EPHA5: variants seen among roughly 807,000 people sequenced by gnomAD.
EPHA5 encodes EPH receptor A5.
In EPHA5, 60 loss-of-function variants were observed where a neutral mutation model predicts 105.0. The ratio of observed to expected loss-of-function variants is 0.57; its 90% CI spans 0.46 to 0.71. The LOEUF is 0.71. EPHA5 is among the 30% of genes least tolerant of loss of function. The probability of loss-of-function intolerance (pLI) is 0.00; values close to 1 mark genes in which losing one functional copy is unlikely to be tolerated. For missense variants in EPHA5, 1,218 were observed against 1,274.7 expected (o/e 0.96, Z 0.68); for synonymous variants, 513 against 449.1 (o/e 1.14, Z -1.80).
At chr4:65,627,730 T>C (rs770108117) in intron 2 of EPHA5, among the ~76,000 whole-genome samples, 23 of 152,134 alleles carry the variant, frequency 1.5e-4, no homozygotes, top group Non-Finnish European at 2.6e-4. Flanking sequence ...ATTCTCAAAC[T>C]TCACCAAACC....
chr4:65,579,478 G>A (rs902631031), intron 3 of EPHA5, among the ~76,000 whole-genome samples: 34 of 150,714 alleles, frequency 2.3e-4, no homozygotes, highest in African/African-American at 7.8e-4. Context: ...CCTGAATATG[G>A]CAAAATGTGA....
At chr4:65,391,140 A>T (rs1720677080) in intron 8 of EPHA5, among the ~76,000 whole-genome samples, 1 of 152,072 alleles carries the variant, frequency 6.6e-6, no homozygotes, top group South Asian at 2.1e-4. Context: ...AACATAGGGG[A>T]AACTGCCCCC....
intron 11 of EPHA5, among the ~76,000 whole-genome samples, chr4:65,357,777 C>T (rs140303585): frequency 8.6e-5 from 13 of 151,082 alleles, no homozygotes; most frequent in Admixed American, 2.7e-4. Context: ...GGTAATAATA[C>T]TGTATTGTAC....
chr4:65,412,579 A>C (rs1578055074), intron 7 of EPHA5, among the ~76,000 whole-genome samples: 1 of 152,174 alleles, frequency 6.6e-6, no homozygotes, highest in East Asian at 1.9e-4. Context: ...AGGCAGTATG[A>C]TATTGAAGTA....
intron 2 of EPHA5, among the ~76,000 whole-genome samples, chr4:65,628,977 T>C (rs1476650946): frequency 2.0e-5 from 3 of 152,196 alleles, no homozygotes; most frequent in African/African-American, 7.2e-5. Context: ...TCATAAAGTA[T>C]ATGCACACCA....
chr4:65,509,873 C>T (rs1733429284), intron 3 of EPHA5, among the ~76,000 whole-genome samples: 3 of 152,152 alleles, frequency 2.0e-5, no homozygotes, highest in South Asian at 4.1e-4. Flanking sequence ...AAGTACAATG[C>T]TAGACAATAT....
chr4:65,588,578 T>G (rs2149410316), intron 3 of EPHA5, among the ~76,000 whole-genome samples: 1 of 152,280 alleles, frequency 6.6e-6, no homozygotes, highest in East Asian at 1.9e-4. Flanking sequence ...TTTCACCCAA[T>G]TCTATGCTTC....
At chr4:65,332,886 G>A (rs376152241) in intron 15 of EPHA5, among the ~76,000 whole-genome samples, 3 of 151,966 alleles carry the variant, frequency 2.0e-5, no homozygotes, top group East Asian at 1.9e-4. Context: ...GCTCATTTAA[G>A]TAAATTTATC....
intron 1 of EPHA5, among the ~76,000 whole-genome samples, chr4:65,650,701 G>A (rs943474973): frequency 6.6e-6 from 1 of 151,990 alleles, no homozygotes; most frequent in Non-Finnish European, 1.5e-5. Context: ...TAAATCACCT[G>A]CTCTGTTTCA....
chr4:65,409,351 A>G (rs139531199), intron 7 of EPHA5, among the ~76,000 whole-genome samples: 5,334 of 148,084 alleles, frequency 0.036, 333 homozygotes, highest in African/African-American at 0.12. Context: ...AATAAAAAAT[A>G]AATAAATAAA....
intron 2 of EPHA5, among the ~76,000 whole-genome samples, chr4:65,639,070 A>G (rs936449685): frequency 2.6e-5 from 4 of 152,254 alleles, no homozygotes; most frequent in South Asian, 2.1e-4. Context: ...AATACCATAA[A>G]CAAACTCTTG....
intron 2 of EPHA5, among the ~76,000 whole-genome samples, chr4:65,609,243 C>T (rs58412814): frequency 6.6e-6 from 1 of 152,118 alleles, no homozygotes; most frequent in South Asian, 2.1e-4. Context: ...CAGCTTTCAG[C>T]AAAAATCATT....
At chr4:65,590,012 A>G (rs1427670721) in intron 3 of EPHA5, among the ~76,000 whole-genome samples, 1 of 152,212 alleles carries the variant, frequency 6.6e-6, no homozygotes, top group Non-Finnish European at 1.5e-5. Flanking sequence ...ATGCATATGG[A>G]GTAGTGTATT....
rs1718070486 is a variant in EPHA5, at chr4:65,367,848, G to T, written c.1794-424C>A. Among the ~76,000 whole-genome samples the T allele has an allele frequency of 2.0e-5, 3 of 151,654 alleles. 1 individual carries two copies. Among genetic ancestry groups the T allele is most frequent in the Admixed American group, 2.0e-4 (3 of 15,186 alleles). On this transcript the variant is annotated intron_variant, in intron 8 of 16. Coordinates refer to ENST00000613740, the MANE Select transcript of EPHA5 (RefSeq NM_001281766.3). ...TCATCACCCTGCACAATAGATTTTTGATTTTTGTTTTTCTCTCTACTGTTT... is the reference window on the plus strand; with the variant it reads ...TCATCACCCTGCACAATAGATTTTTTATTTTTGTTTTTCTCTCTACTGTTT...
intron 2 of EPHA5, among the ~76,000 whole-genome samples, chr4:65,628,078 T>C (rs755993981): frequency 5.3e-5 from 8 of 152,084 alleles, no homozygotes; most frequent in Non-Finnish European, 1.2e-4. Context: ...TTTTCATAAT[T>C]TTATACCACC....
intron 3 of EPHA5, among the ~76,000 whole-genome samples, chr4:65,559,315 T>C (rs939189026): frequency 2.6e-5 from 4 of 152,140 alleles, no homozygotes; most frequent in African/African-American, 9.7e-5. Flanking sequence ...ACCCTTTTCA[T>C]AAATTTGACG....
chr4:65,388,049 T>C (rs1337463076), intron 8 of EPHA5, among the ~76,000 whole-genome samples: 3 of 146,940 alleles, frequency 2.0e-5, no homozygotes, highest in African/African-American at 7.6e-5. Context: ...TTCCCATCTA[T>C]GAGTGAGAGC....
At chr4:65,459,854 G>A (rs1727962135) in intron 5 of EPHA5, among the ~76,000 whole-genome samples, 1 of 151,676 alleles carries the variant, frequency 6.6e-6, no homozygotes, top group South Asian at 2.1e-4. Context: ...GTTAAAATCA[G>A]CAAATGAAAG....
chr4:65,573,273 T>C (rs1018784076), intron 3 of EPHA5, among the ~76,000 whole-genome samples: 2 of 151,168 alleles, frequency 1.3e-5, no homozygotes, highest in Non-Finnish European at 2.9e-5. Context: ...TAGCTGGGCG[T>C]GGTGGCAGGT....
Sources: allele counts gnomAD v4.1 joint callset (sites outside exome capture counted in the v4.1 genomes callset), GRCh38; gene constraint gnomAD v4.1.1; transcripts MANE v1.5; gene names NCBI Gene and HGNC (gene_info 2026-07-23, HGNC 2026-07-21).